The following RIMS2 variants were observed in gnomAD, a reference collection of about 807,000 sequenced individuals.
RIMS2 encodes the protein regulating synaptic membrane exocytosis 2.
Under a neutral mutation model 174.4 loss-of-function variants are expected in RIMS2, and 59 were observed. The ratio of observed to expected loss-of-function variants is 0.34; its 90% CI spans 0.27 to 0.42. The LOEUF (loss-of-function observed/expected upper bound fraction) is 0.42. Among genes scored for constraint, RIMS2 ranks in the 10% least tolerant of loss-of-function variants. RIMS2 has a pLI of 1.00. For synonymous variants in RIMS2, 606 were observed against 572.5 expected (o/e 1.06, Z -0.84); for missense variants, 1,620 against 1,666.3 (o/e 0.97, Z 0.48).
At chr8:104,063,401 G>T (rs1312586594) in intron 19 of RIMS2, among the ~76,000 whole-genome samples, 2 of 152,070 alleles carry the variant, frequency 1.3e-5, no homozygotes, top group Non-Finnish European at 2.9e-5. Context: ...CTCCACATAT[G>T]ACTGTTTATC....
At chr8:104,185,752 G>T (rs1478992291) in intron 19 of RIMS2, among the ~76,000 whole-genome samples, 2 of 151,640 alleles carry the variant, frequency 1.3e-5, no homozygotes, top group South Asian at 2.1e-4. Context: ...GTTGGCAGGA[G>T]AAAAGGGAAC....
At position 103,978,756 on chromosome 8, in the gene RIMS2, T is replaced by C. The variant is rs1596280781; in HGVS notation, c.2927+3250T>C. On this transcript the variant is annotated intron_variant, in intron 16 of 23. Coordinates refer to ENST00000504942, the Ensembl canonical transcript of RIMS2. ...AATAAACAATTGTAGTTGGAGATTT[T>C]AACATATCCCTAACAGAAATCAATA... 2.0e-5 allele frequency among the ~76,000 whole-genome samples: 3 copies of C among 152,338 alleles called. No homozygotes were observed. The South Asian group carries it at 6.2e-4, about 32-fold the overall frequency.
intron 19 of RIMS2, among the ~76,000 whole-genome samples, chr8:104,099,715 G>A (rs2097835875): frequency 6.6e-6 from 1 of 152,088 alleles, no homozygotes; most frequent in Non-Finnish European, 1.5e-5. Context: ...GCCATTTTAA[G>A]AATATTAAGT....
At chr8:103,559,140 C>A in intron 1 of RIMS2, 1 of 163,804 alleles carries the variant, frequency 6.1e-6, no homozygotes, top group East Asian at 1.9e-4. Context: ...CCATTTGCCC[C>A]CAGCAGCCTC....
intron 9 of RIMS2, chr8:103,920,645 G>C (rs1212977266): frequency 6.6e-6 from 3 of 457,160 alleles, no homozygotes; most frequent in South Asian, 4.6e-5. Context: ...CAGAGGTGTT[G>C]TAGGTTCACT....
intron 19 of RIMS2, among the ~76,000 whole-genome samples, chr8:104,143,489 T>C (rs1210800929): frequency 2.6e-5 from 4 of 152,192 alleles, no homozygotes; most frequent in African/African-American, 7.2e-5. Context: ...GTATGAGTTA[T>C]AGTAGTAACA....
chr8:103,552,430 C>T (rs1213355757), intron 1 of RIMS2, among the ~76,000 whole-genome samples: 1 of 152,100 alleles, frequency 6.6e-6, no homozygotes, highest in African/African-American at 2.4e-5. Flanking sequence ...CTTCTTTATA[C>T]CTTATACAAA....
chr8:103,910,501 T>C lies in RIMS2; in HGVS notation c.1692+300T>C. On this transcript the variant is annotated intron_variant, in intron 5 of 23. Transcript: ENST00000504942. ...GTAGATACGTGTAGTAGCACAACCCTTAACGAGGAGCATAGCCATAGTGAT... is the reference window on the plus strand; with the variant it reads ...GTAGATACGTGTAGTAGCACAACCCCTAACGAGGAGCATAGCCATAGTGAT... 2.5e-6 allele frequency: 4 copies of C among 1,596,122 alleles called. No homozygotes were observed. In the South Asian group the frequency reaches 3.3e-5, roughly 13 times the overall value.
At position 103,753,335 on chromosome 8, in the gene RIMS2, G is replaced by C. The variant is rs185374854; in HGVS notation, c.388-12892G>C. Among the ~76,000 whole-genome samples, 393 of 152,288 alleles carry C rather than the reference G, an allele frequency of 2.6e-3. 2 individuals carry two copies. Among genetic ancestry groups the C allele is most frequent in the African/African-American group, 8.3e-3 (343 of 41,566 alleles). On this transcript the variant is annotated intron_variant, in intron 2 of 23. Coordinates refer to ENST00000504942, the Ensembl canonical transcript of RIMS2. ...TTTGATGTGATGCTGGATTCAGTTT[G>C]CCAGTGTTTTATTGAGGATTTTTGC... is the stretch of plus-strand genomic sequence containing the variant.
At chr8:103,972,657 G>A (rs186283075) in intron 15 of RIMS2, among the ~76,000 whole-genome samples, 8 of 152,180 alleles carry the variant, frequency 5.3e-5, no homozygotes, top group East Asian at 1.9e-4. Context: ...CATGTGAGAC[G>A]CACTGCTACC....
chr8:103,519,733 C>CTT (rs56922734), intron 1 of RIMS2, among the ~76,000 whole-genome samples: 15,905 of 131,162 alleles, frequency 0.12, 1,030 homozygotes, highest in Middle Eastern at 0.22. Context: ...GGCTTTACTA[C>CTT]TTTTTTTTTT....
intron 15 of RIMS2, among the ~76,000 whole-genome samples, chr8:103,961,663 T>G (rs77473132): frequency 0.022 from 3,360 of 152,236 alleles, 110 homozygotes; most frequent in African/African-American, 0.074. Flanking sequence ...AGTATATATC[T>G]TTTCTGCAAG....
At chr8:103,878,100 T>C (rs1247440072) in intron 3 of RIMS2, among the ~76,000 whole-genome samples, 1 of 151,678 alleles carries the variant, frequency 6.6e-6, no homozygotes, top group Non-Finnish European at 1.5e-5. Context: ...ATTCTCACGA[T>C]ATCTGATGGT....
intron 19 of RIMS2, among the ~76,000 whole-genome samples, chr8:104,031,686 C>T (rs2096396034): frequency 1.3e-5 from 2 of 152,044 alleles, no homozygotes; most frequent in South Asian, 4.1e-4. Flanking sequence ...CTAGAAGTTA[C>T]ATGGGAAGAC....
chr8:104,212,604 T>TCACA (rs143539138), intron 19 of RIMS2, among the ~76,000 whole-genome samples: 1 of 151,612 alleles, frequency 6.6e-6, no homozygotes, highest in Non-Finnish European at 1.5e-5. Flanking sequence ...TTCCTGAGTC[T>TCACA]CACACACACA....
At chr8:103,612,758 G>C (rs1387289219) in intron 1 of RIMS2, among the ~76,000 whole-genome samples, 1 of 152,106 alleles carries the variant, frequency 6.6e-6, no homozygotes, top group Non-Finnish European at 1.5e-5. Flanking sequence ...TTTTAGTAGA[G>C]ACAGGGTTTC....
At chr8:104,025,732 C>CAG (rs1484027989) in intron 19 of RIMS2, among the ~76,000 whole-genome samples, 2 of 151,726 alleles carry the variant, frequency 1.3e-5, no homozygotes, top group East Asian at 3.9e-4. Flanking sequence ...CACACACACA[C>CAG]AGTAATGTAC....
intron 1 of RIMS2, among the ~76,000 whole-genome samples, chr8:103,562,594 C>T (rs540285955): frequency 2.9e-4 from 44 of 152,252 alleles, no homozygotes; most frequent in East Asian, 1.7e-3. Flanking sequence ...TGAGTGTCTG[C>T]GGCTTTTCCA....
chr8:103,561,812 C>T (rs2091638766), intron 1 of RIMS2, among the ~76,000 whole-genome samples: 1 of 152,104 alleles, frequency 6.6e-6, no homozygotes, highest in South Asian at 2.1e-4. Context: ...ATACCTGAGA[C>T]TGGGCAATTT....
Sources: allele counts gnomAD v4.1 joint callset (sites outside exome capture counted in the v4.1 genomes callset), GRCh38; gene constraint gnomAD v4.1.1; transcripts MANE v1.5; gene names NCBI Gene and HGNC (gene_info 2026-07-23, HGNC 2026-07-21).